The following TNS1 variants were observed in gnomAD, a reference collection of about 807,000 sequenced individuals.
The protein encoded by TNS1 is tensin 1.
Under a neutral mutation model 168.6 loss-of-function variants are expected in TNS1, and 62 were observed. The ratio of observed to expected loss-of-function variants is 0.37; its 90% CI spans 0.30 to 0.45. TNS1 has a LOEUF of 0.45. TNS1 is among the 20% of genes least tolerant of loss of function. The probability of loss-of-function intolerance (pLI) is 1.00; values close to 1 mark genes in which losing one functional copy is unlikely to be tolerated. For synonymous variants in TNS1, 934 were observed against 933.2 expected, an observed-to-expected ratio of 1.00 and a Z score of -0.02; for missense variants, 2,240 against 2,339.4, an observed-to-expected ratio of 0.96 and a Z score of 0.88.
At chr2:217,991,714 G>T (rs547581095) in intron 1 of TNS1, among the ~76,000 whole-genome samples, 1 of 152,134 alleles carries the variant, frequency 6.6e-6, no homozygotes, top group South Asian at 2.1e-4. Flanking sequence ...TACTGCTGAT[G>T]GGCCTTCGCT....
At chr2:217,859,708 A>C (rs1264003111) in intron 18 of TNS1, 44 of 1,534,524 alleles carry the variant, frequency 2.9e-5, no homozygotes, top group Non-Finnish European at 3.7e-5. Flanking sequence ...CCATCTGTGG[A>C]AATCATGAAT....
chr2:217,917,304 A>G (rs1427643793), intron 4 of TNS1, among the ~76,000 whole-genome samples: 1 of 152,242 alleles, frequency 6.6e-6, no homozygotes, highest in Non-Finnish European at 1.5e-5. Context: ...GCCATTCAAG[A>G]AACATATATA....
At chr2:217,950,393 T>C (rs755620923) in intron 3 of TNS1, among the ~76,000 whole-genome samples, 1 of 152,064 alleles carries the variant, frequency 6.6e-6, no homozygotes, top group Non-Finnish European at 1.5e-5. Context: ...AGGTAGAAAC[T>C]ACCAGGAGCA....
rs71415814 is a variant in TNS1 at position 217,822,748 on chromosome 2, C to T, written c.3374-810G>A. 8.1e-3 allele frequency among the ~76,000 whole-genome samples: 1,233 copies of T among 152,266 alleles called. 8 individuals are homozygous for T. The highest frequency in any genetic ancestry group is 0.013 in the Non-Finnish European group (887 of 68,016). ...ACAGATAAGGATGGATGCTGAGGCC[C>T]GACAAGGGAAATGACTAGGTCCCCA... On this transcript the variant is annotated intron_variant, in intron 22 of 32. Coordinates refer to ENST00000682258, the MANE Select transcript of TNS1 (RefSeq NM_001387777.1).
chr2:217,968,006 T>A (rs764624720), intron 3 of TNS1, among the ~76,000 whole-genome samples: 37 of 152,058 alleles, frequency 2.4e-4, no homozygotes, highest in Non-Finnish European at 4.4e-4. Context: ...CAACTGAAAA[T>A]CAATTGATGT....
upstream of TNS1, among the ~76,000 whole-genome samples, chr2:218,007,909 C>G (rs1189145505): frequency 6.6e-6 from 1 of 152,202 alleles, no homozygotes; most frequent in East Asian, 1.9e-4. Context: ...GCATGGGGCA[C>G]TACATTCTAA....
chr2:217,987,535 G>A (rs1325313821), intron 2 of TNS1, among the ~76,000 whole-genome samples: 1 of 152,172 alleles, frequency 6.6e-6, no homozygotes, highest in African/African-American at 2.4e-5. Context: ...CAAGCTATAG[G>A]TCCAGGCAAC....
rs142201262 is a variant in TNS1, at chr2:217,951,524, A to T, written c.186+27241T>A. 4.1e-4 allele frequency among the ~76,000 whole-genome samples: 63 copies of T among 151,986 alleles called. No homozygotes were observed. In the East Asian group the frequency reaches 0.011, roughly 28 times the overall value. ...TTCAGAGACATCAGCTATGTTTGCTACTCCTCTCCTAACTACAGCAGCTGC... is the reference window on the plus strand; with the variant it reads ...TTCAGAGACATCAGCTATGTTTGCTTCTCCTCTCCTAACTACAGCAGCTGC... On this transcript the variant is annotated intron_variant, in intron 3 of 32. Coordinates refer to ENST00000682258, the MANE Select transcript of TNS1 (RefSeq NM_001387777.1).
At chr2:217,934,832 A>G (rs1956518161) in intron 3 of TNS1, among the ~76,000 whole-genome samples, 1 of 152,202 alleles carries the variant, frequency 6.6e-6, no homozygotes, top group Non-Finnish European at 1.5e-5. Flanking sequence ...TCCCACCTCG[A>G]TGCTGGACAG....
rs1410120833 is a variant in TNS1, at chr2:217,920,225, G to A, written c.198C>T (p.Pro66=). Residue 66 remains proline (P), a synonymous_variant, in exon 4 of 33, where the codon CCC becomes CCT. Coordinates refer to ENST00000682258, the MANE Select transcript of TNS1 (RefSeq NM_001387777.1). The part of the protein sequence containing the change: ...HRKCQAKVAA[P]CVPPSNHELV... ...GCTCATGGTTGGATGGAGGAACGCA[G>A]GGGGCAGCCACCTGTGGAAGGAACA... 1 of 703,040 alleles carries A rather than the reference G, an allele frequency of 1.4e-6. No individual in the cohort carries two copies. Among genetic ancestry groups the A allele is most frequent in the African/African-American group, 1.7e-5 (1 of 57,380 alleles). The allele number at this position is 703,040 out of a possible 1,614,324, so 43.6% of individuals were successfully genotyped here.
At chr2:217,965,101 G>T (rs549901805) in intron 3 of TNS1, among the ~76,000 whole-genome samples, 1 of 152,212 alleles carries the variant, frequency 6.6e-6, no homozygotes, top group Non-Finnish European at 1.5e-5. Flanking sequence ...TTAAGGGAAC[G>T]CGAACCACAG....
Position 217,848,971 on chromosome 2 carries a change from C to T in TNS1, c.1546G>A (p.Ala516Thr). 1.2e-6 allele frequency: 2 copies of T among 1,614,036 alleles called. No individual in the cohort carries two copies. The highest frequency in any genetic ancestry group is 3.3e-5 in the Admixed American group (2 of 60,008). ...AVNATRPTLS[A>T]TPNHVEHTLS... Reference sequence around the variant, plus strand: ...GTGTGTTCCACGTGGTTGGGGGTGGCCGACAGTGTAGGACGTGTGGCATTA... The same window carrying T: ...GTGTGTTCCACGTGGTTGGGGGTGGTCGACAGTGTAGGACGTGTGGCATTA... The change falls in exon 19 of 33, where the codon GCC becomes ACC. Residue 516 changes from alanine to threonine, a missense_variant. This residue lies in a region of TNS1 where 2,131 missense variants were observed against 2,171.2 expected (regional missense o/e 0.98). Transcript: ENST00000682258.
At chr2:217,842,300 G>A (rs1946077101) in intron 19 of TNS1, 1 of 548,630 alleles carries the variant, frequency 1.8e-6, no homozygotes, top group Non-Finnish European at 3.2e-6. Flanking sequence ...CACTGCAGAT[G>A]TTTCATGGTC....
Position 217,813,420 on chromosome 2 carries a change from A to G in TNS1, c.4862-113T>C. The G allele has an allele frequency of 9.8e-7, 1 of 1,023,142 alleles. No individual in the cohort carries two copies. The highest frequency in any genetic ancestry group is 1.5e-6 in the Non-Finnish European group (1 of 678,264). 63.4% of individuals were successfully genotyped at this position (1,023,142 alleles called of 1,614,324 possible). Reference sequence around the variant, plus strand: ...GTGCGGGGCCAAGATGGGAGAAATGACTGAAGAGAGAACGTGGCTGGAGCC... The same window carrying G: ...GTGCGGGGCCAAGATGGGAGAAATGGCTGAAGAGAGAACGTGGCTGGAGCC... On this transcript the variant is annotated intron_variant, in intron 26 of 32. Transcript: ENST00000682258. This position sits in a 1 kb window ranked among gnomAD's most constrained non-coding sequence, Gnocchi z 4.0.
At chr2:218,012,839 C>G (rs1464174124), upstream of TNS1, among the ~76,000 whole-genome samples, 1 of 152,220 alleles carries the variant, frequency 6.6e-6, no homozygotes, top group Admixed American at 6.5e-5. Flanking sequence ...CCCTTTGCTT[C>G]TTCTTTCACC....
At chr2:217,979,355 G>A (rs1042568921) in intron 2 of TNS1, among the ~76,000 whole-genome samples, 2 of 151,236 alleles carry the variant, frequency 1.3e-5, no homozygotes, top group African/African-American at 2.4e-5. Flanking sequence ...AGCCATCCAC[G>A]CACACACACA....
chr2:217,900,099 C>T (rs2125752361), intron 7 of TNS1, among the ~76,000 whole-genome samples: 1 of 152,300 alleles, frequency 6.6e-6, no homozygotes, highest in South Asian at 2.1e-4. Flanking sequence ...CTCATCAGCC[C>T]TAAACGCAAA....
At position 217,895,063 on chromosome 2, in the gene TNS1, G is replaced by A; in HGVS notation, c.544-7C>T. 9 of 1,609,386 alleles carry A rather than the reference G, an allele frequency of 5.6e-6. No individual in the cohort carries two copies. The highest frequency in any genetic ancestry group is 7.6e-6 in the Non-Finnish European group (9 of 1,177,840). On this transcript the variant is annotated splice_region_variant and splice_polypyrimidine_tract_variant and intron_variant, in intron 8 of 32. Coordinates refer to ENST00000682258, the MANE Select transcript of TNS1 (RefSeq NM_001387777.1). ...GCTCAGAGAGGTTGAACAGCTAGAAGGAGCAAAAGGAAGAGAGCATGAGGA... is the reference window on the plus strand; with the variant it reads ...GCTCAGAGAGGTTGAACAGCTAGAAAGAGCAAAAGGAAGAGAGCATGAGGA...
intron 19 of TNS1, among the ~76,000 whole-genome samples, chr2:217,845,542 T>A (rs967023991): frequency 6.6e-6 from 1 of 152,212 alleles, no homozygotes; most frequent in Non-Finnish European, 1.5e-5. Context: ...CAAATATAAG[T>A]GTCCCCTCTA....
Sources: allele counts gnomAD v4.1 joint callset (sites outside exome capture counted in the v4.1 genomes callset), GRCh38; gene constraint gnomAD v4.1.1; regional missense constraint gnomAD v4.1.1; non-coding constraint Gnocchi (gnomAD v3.1); transcripts MANE v1.5; gene names NCBI Gene and HGNC (gene_info 2026-07-23, HGNC 2026-07-21).